TTC1: variants seen among roughly 807,000 people sequenced by gnomAD.
The protein encoded by TTC1 is tetratricopeptide repeat domain 1.
Under a neutral mutation model 37.6 loss-of-function variants are expected in TTC1, and 31 were observed. The ratio of observed to expected loss-of-function variants is 0.82; its 90% CI spans 0.62 to 1.11. The LOEUF (loss-of-function observed/expected upper bound fraction) is 1.11, where lower values mean the gene tolerates loss of function less well. Among genes scored for constraint, TTC1 ranks in the 50% most tolerant of loss-of-function variants. The pLI is 0.00. For missense variants in TTC1, 351 were observed against 339.0 expected (o/e 1.04, Z -0.28); for synonymous variants, 127 against 122.4 (o/e 1.04, Z -0.25).
intron 2 of TTC1, among the ~76,000 whole-genome samples, chr5:160,015,713 G>C (rs369493317): frequency 5.9e-5 from 9 of 152,294 alleles, no homozygotes; most frequent in South Asian, 4.1e-4. Context: ...GTGTTTCCCA[G>C]AGTTCTGTGA....
At chr5:160,041,864 AG>A (rs1253711595) in intron 4 of TTC1, among the ~76,000 whole-genome samples, 1 of 152,204 alleles carries the variant, frequency 6.6e-6, no homozygotes, top group African/African-American at 2.4e-5. Context: ...AGTGTTATAC[AG>A]CCAACACCAC....
At chr5:160,039,258 G>A (rs911324247) in intron 4 of TTC1, 2 of 151,012 alleles carry the variant, frequency 1.3e-5, no homozygotes, top group African/African-American at 4.9e-5. Context: ...TACAAGAGCA[G>A]AGCCCTAAAA....
chr5:160,031,144 A>G lies in TTC1; in HGVS notation c.331-3996A>G, dbSNP rs1756901214. ...CTCGGCACAGCTGGGAAATAGTTCA[A>G]CTTTCTCCTCAAAGTGCTATTTTTA... On this transcript the variant is annotated intron_variant, in intron 2 of 7. Coordinates refer to ENST00000231238, the MANE Select transcript of TTC1 (RefSeq NM_003314.3). Among the ~76,000 whole-genome samples the G allele has an allele frequency of 2.0e-5, 3 of 152,300 alleles. No homozygotes were observed. The South Asian group carries it at 6.2e-4, about 32-fold the overall frequency.
intron 2 of TTC1, among the ~76,000 whole-genome samples, chr5:160,014,312 T>G (rs1021678904): frequency 6.6e-6 from 1 of 151,540 alleles, no homozygotes; most frequent in East Asian, 1.9e-4. Context: ...GAGCCGAGAT[T>G]GGGCCATTGC....
intron 4 of TTC1, among the ~76,000 whole-genome samples, chr5:160,037,527 C>A (rs1274261307): frequency 6.6e-6 from 1 of 152,102 alleles, no homozygotes; most frequent in Non-Finnish European, 1.5e-5. Flanking sequence ...ACCAGCCTGG[C>A]CAACATGGTC....
At chr5:160,039,469 T>G (rs758687284) in intron 4 of TTC1, among the ~76,000 whole-genome samples, 2 of 152,022 alleles carry the variant, frequency 1.3e-5, no homozygotes, top group Non-Finnish European at 2.9e-5. Flanking sequence ...TTGTGATTTT[T>G]TTTTTTTTCC....
chr5:160,014,227 G>C (rs1431099220), intron 2 of TTC1, among the ~76,000 whole-genome samples: 1 of 151,764 alleles, frequency 6.6e-6, no homozygotes, highest in East Asian at 2.0e-4. Flanking sequence ...GCCTGGTGGC[G>C]GGCTCCTGTA....
intron 4 of TTC1, among the ~76,000 whole-genome samples, chr5:160,042,686 A>C (rs569961775): frequency 6.6e-6 from 1 of 152,256 alleles, no homozygotes; most frequent in South Asian, 2.1e-4. Flanking sequence ...GACAAGCCAC[A>C]CTGTGTGTCT....
intron 2 of TTC1, among the ~76,000 whole-genome samples, chr5:160,020,225 G>T (rs1756681627): frequency 6.6e-6 from 1 of 152,186 alleles, no homozygotes; most frequent in Non-Finnish European, 1.5e-5. Context: ...TTGGAACTAA[G>T]GTGGTCAGTT....
chr5:160,024,178 A>G, intron 2 of TTC1: 2 of 554,122 alleles, frequency 3.6e-6, no homozygotes, highest in Non-Finnish European at 6.4e-6. Flanking sequence ...TTACTGAGGT[A>G]GGGGTTTAAT....
At chr5:160,049,428 G>A (rs1757343403) in intron 5 of TTC1, 86 bp from the exon 6 acceptor site, 1 of 1,247,294 alleles carries the variant, frequency 8.0e-7, no homozygotes, top group South Asian at 1.9e-5. Context: ...TATCCTTGGA[G>A]GATGATTGAT....
intron 2 of TTC1, among the ~76,000 whole-genome samples, chr5:160,020,704 T>C (rs1756689446): frequency 6.6e-6 from 1 of 152,224 alleles, no homozygotes; most frequent in Non-Finnish European, 1.5e-5. Flanking sequence ...TGTTGCCTGC[T>C]CCTTACAAGA....
intron 7 of TTC1, among the ~76,000 whole-genome samples, chr5:160,060,706 G>A (rs899797591): frequency 6.6e-6 from 1 of 152,178 alleles, no homozygotes; most frequent in Non-Finnish European, 1.5e-5. Flanking sequence ...GCAGAAAAAC[G>A]TATGCATGTG....
At chr5:160,063,184 T>C (rs1753482799) in intron 7 of TTC1, among the ~76,000 whole-genome samples, 1 of 152,194 alleles carries the variant, frequency 6.6e-6, no homozygotes, top group East Asian at 1.9e-4. Context: ...AGCCTGAGAC[T>C]AAAAGTTCTC....
intron 2 of TTC1, among the ~76,000 whole-genome samples, chr5:160,027,754 T>G (rs760397176): frequency 7.9e-5 from 12 of 152,240 alleles, no homozygotes; most frequent in Non-Finnish European, 1.8e-4. Flanking sequence ...GTTGAAAATT[T>G]TTCTCATTCA....
At chr5:160,042,702 T>C (rs1266442433) in intron 4 of TTC1, among the ~76,000 whole-genome samples, 1 of 152,240 alleles carries the variant, frequency 6.6e-6, no homozygotes, top group Non-Finnish European at 1.5e-5. Context: ...TGTCTGTAGG[T>C]GGAGCATCTG....
intron 2 of TTC1, among the ~76,000 whole-genome samples, chr5:160,018,541 T>G (rs1305908025): frequency 6.6e-6 from 1 of 152,068 alleles, no homozygotes; most frequent in African/African-American, 2.4e-5. Flanking sequence ...GTTCAAGGAA[T>G]GGAAGAGCCG....
chr5:160,045,779 G>T (rs1046716149), intron 5 of TTC1, among the ~76,000 whole-genome samples: 1 of 151,882 alleles, frequency 6.6e-6, no homozygotes, highest in African/African-American at 2.4e-5. Context: ...GACTCGCTCT[G>T]TTGCCTAGGC....
At chr5:160,062,825 C>T (rs1484743437) in intron 7 of TTC1, among the ~76,000 whole-genome samples, 2 of 151,936 alleles carry the variant, frequency 1.3e-5, no homozygotes, top group Non-Finnish European at 2.9e-5. Context: ...TTTCCCCCTT[C>T]CTGTCCTCTT....
Sources: allele counts gnomAD v4.1 joint callset (sites outside exome capture counted in the v4.1 genomes callset), GRCh38; gene constraint gnomAD v4.1.1; transcripts MANE v1.5; gene names NCBI Gene and HGNC (gene_info 2026-07-23, HGNC 2026-07-21).